FNDC3B: variants seen among roughly 807,000 people sequenced by gnomAD.
FNDC3B encodes fibronectin type III domain-containing protein 3B.
A neutral mutation model predicts 151.5 loss-of-function variants in FNDC3B; 12 were observed. The observed-to-expected ratio is 0.08, with a 90% CI of 0.05 to 0.13. The LOEUF (loss-of-function observed/expected upper bound fraction) is 0.13. FNDC3B is among the 10% of genes least tolerant of loss of function. The pLI is 1.00. For synonymous variants in FNDC3B, 528 were observed against 549.0 expected (o/e 0.96, Z 0.54); for missense variants, 1,214 against 1,505.3 (o/e 0.81, Z 3.20).
intron 2 of FNDC3B, among the ~76,000 whole-genome samples, chr3:172,123,980 C>G (rs142535382): frequency 3.3e-3 from 505 of 152,250 alleles, no homozygotes; most frequent in Middle Eastern, 0.014. Flanking sequence ...TTTCATAGAT[C>G]GGTGTCCACA....
intron 16 of FNDC3B, among the ~76,000 whole-genome samples, chr3:172,340,267 C>A (rs1370875668): frequency 6.7e-6 from 1 of 148,208 alleles, no homozygotes; most frequent in African/African-American, 2.5e-5. Flanking sequence ...TAATTTGTCA[C>A]CCCCGTAGGC....
chr3:172,073,792 C>T (rs1378731068), intron 1 of FNDC3B, among the ~76,000 whole-genome samples: 1 of 152,076 alleles, frequency 6.6e-6, no homozygotes, highest in Non-Finnish European at 1.5e-5. Context: ...TTACAACTGA[C>T]TCCACCTTAC....
intron 3 of FNDC3B, among the ~76,000 whole-genome samples, chr3:172,216,614 G>A (rs950313863): frequency 1.5e-4 from 23 of 152,346 alleles, no homozygotes; most frequent in Admixed American, 6.5e-4. Context: ...TTGAGGCTGC[G>A]TTGAGCTGTG....
At chr3:172,088,504 A>C (rs1027458650) in intron 1 of FNDC3B, among the ~76,000 whole-genome samples, 3 of 152,250 alleles carry the variant, frequency 2.0e-5, no homozygotes, top group African/African-American at 4.8e-5. Flanking sequence ...ATGCCCATAC[A>C]TCAAATCACA....
intron 7 of FNDC3B, among the ~76,000 whole-genome samples, chr3:172,291,394 C>A (rs116059910): frequency 6.6e-6 from 1 of 152,030 alleles, no homozygotes; most frequent in East Asian, 1.9e-4. Flanking sequence ...GTAACCTGTA[C>A]AACAGACCCT....
At chr3:172,063,372 A>T (rs1717316136) in intron 1 of FNDC3B, among the ~76,000 whole-genome samples, 1 of 152,122 alleles carries the variant, frequency 6.6e-6, no homozygotes, top group Non-Finnish European at 1.5e-5. Context: ...GTTTTCTTTG[A>T]TAGTGATATC....
rs1249809565 is a variant in FNDC3B, at chr3:172,113,520, C to T, written c.111+930C>T. Among the ~76,000 whole-genome samples, 4 of 152,148 alleles carry T rather than the reference C, an allele frequency of 2.6e-5. No homozygotes were observed. The East Asian group carries it at 7.7e-4, about 29-fold the overall frequency. ...TTATATTATTTTCTCCTGCATTGTA[C>T]TATCAACCTCTTAAGAACAAAAAAT... On this transcript the variant is annotated intron_variant, in intron 2 of 25. Coordinates refer to ENST00000415807, the MANE Select transcript of FNDC3B (RefSeq NM_022763.4).
chr3:172,284,531 G>A (rs1203525751), intron 6 of FNDC3B, among the ~76,000 whole-genome samples: 1 of 151,958 alleles, frequency 6.6e-6, no homozygotes, highest in Admixed American at 6.6e-5. Flanking sequence ...CTGGTGTCAG[G>A]TGTAGCAGTT....
chr3:172,192,580 G>C (rs1024421462), intron 3 of FNDC3B, among the ~76,000 whole-genome samples: 1 of 152,082 alleles, frequency 6.6e-6, no homozygotes, highest in Non-Finnish European at 1.5e-5. Flanking sequence ...AGAAGTTCTT[G>C]ATTATAGCAG....
chr3:172,041,978 G>A (rs1716103683), intron 1 of FNDC3B, among the ~76,000 whole-genome samples: 1 of 152,084 alleles, frequency 6.6e-6, no homozygotes, highest in African/African-American at 2.4e-5. Context: ...CAGGCTGGCT[G>A]AGAATGAGGC....
At chr3:172,391,884 C>A (rs16845421) in intron 25 of FNDC3B, among the ~76,000 whole-genome samples, 13,771 of 152,114 alleles carry the variant, frequency 0.091, 715 homozygotes, top group Middle Eastern at 0.17. Context: ...AGGAAATCAT[C>A]CTCTTCAAGA....
chr3:172,079,110 T>C (rs906535751), intron 1 of FNDC3B, among the ~76,000 whole-genome samples: 22 of 152,170 alleles, frequency 1.4e-4, no homozygotes, highest in Admixed American at 6.5e-5. Flanking sequence ...CCTAGTTTGA[T>C]CTGGCCCTAG....
intron 6 of FNDC3B, among the ~76,000 whole-genome samples, chr3:172,263,817 C>T (rs918014421): frequency 6.6e-6 from 1 of 152,030 alleles, no homozygotes; most frequent in African/African-American, 2.4e-5. Flanking sequence ...CGCATGAGGA[C>T]TGTTTAGAGT....
intron 22 of FNDC3B, among the ~76,000 whole-genome samples, chr3:172,360,784 T>C (rs1270858737): frequency 1.8e-4 from 27 of 152,222 alleles, no homozygotes; most frequent in Admixed American, 1.6e-3. Flanking sequence ...CTTGTATTGA[T>C]CTAGGTGTTC....
intron 3 of FNDC3B, among the ~76,000 whole-genome samples, chr3:172,184,783 C>T (rs547353778): frequency 6.6e-6 from 1 of 152,244 alleles, no homozygotes; most frequent in East Asian, 1.9e-4. Context: ...TGGAATTTTC[C>T]TTTTCCTTTA....
At chr3:172,236,269 A>G (rs1321249760) in intron 4 of FNDC3B, among the ~76,000 whole-genome samples, 2 of 152,184 alleles carry the variant, frequency 1.3e-5, no homozygotes, top group Non-Finnish European at 2.9e-5. Context: ...TAGGTCAGTA[A>G]TATACAATCA....
intron 6 of FNDC3B, among the ~76,000 whole-genome samples, chr3:172,267,137 C>T (rs1039975326): frequency 2.6e-5 from 4 of 151,042 alleles, no homozygotes; most frequent in East Asian, 3.9e-4. Flanking sequence ...AAGCAGTTTA[C>T]GTAGGGAAAT....
intron 5 of FNDC3B, among the ~76,000 whole-genome samples, chr3:172,249,378 TC>T (rs1420335036): frequency 1.3e-5 from 2 of 152,186 alleles, no homozygotes; most frequent in East Asian, 3.8e-4. Context: ...TGTAGTCTCT[TC>T]ATTTTATGGT....
intron 4 of FNDC3B, among the ~76,000 whole-genome samples, chr3:172,228,377 T>G (rs2108743284): frequency 6.6e-6 from 1 of 152,344 alleles, no homozygotes; most frequent in Non-Finnish European, 1.5e-5. Flanking sequence ...CTCACCATTG[T>G]GACGCAAAAA....
Sources: allele counts gnomAD v4.1 joint callset (sites outside exome capture counted in the v4.1 genomes callset), GRCh38; gene constraint gnomAD v4.1.1; transcripts MANE v1.5; gene names NCBI Gene and HGNC (gene_info 2026-07-23, HGNC 2026-07-21).